NLGN1: variants seen among roughly 807,000 people sequenced by gnomAD.
NLGN1 encodes the protein neuroligin 1, also known as neuroligin-1.
Under a neutral mutation model 65.5 loss-of-function variants are expected in NLGN1, and 12 were observed. The observed-to-expected ratio is 0.18, with a 90% CI of 0.12 to 0.30. The LOEUF (loss-of-function observed/expected upper bound fraction) is 0.30. Among genes scored for constraint, NLGN1 ranks in the 10% least tolerant of loss-of-function variants. The pLI is 1.00. For missense variants in NLGN1, 750 were observed against 1,007.1 expected, an observed-to-expected ratio of 0.74 and a Z score of 3.46; for synonymous variants, 350 against 359.5, an observed-to-expected ratio of 0.97 and a Z score of 0.30.
chr3:174,251,207 A>G (rs980484225), intron 4 of NLGN1, among the ~76,000 whole-genome samples: 1 of 152,332 alleles, frequency 6.6e-6, no homozygotes, highest in East Asian at 1.9e-4. Flanking sequence ...ATGTTTATTT[A>G]TTATTGGATT....
At chr3:174,069,151 C>A (rs1009348048) in intron 4 of NLGN1, among the ~76,000 whole-genome samples, 3 of 151,974 alleles carry the variant, frequency 2.0e-5, no homozygotes, top group African/African-American at 7.3e-5. Flanking sequence ...CCAGGAGGAG[C>A]CCCATGGTTT....
At chr3:173,849,478 A>G (rs1726465191) in intron 4 of NLGN1, among the ~76,000 whole-genome samples, 1 of 109,858 alleles carries the variant, frequency 9.1e-6, no homozygotes, top group African/African-American at 3.6e-5. Flanking sequence ...TCATCTGAAT[A>G]TAAACATTAG....
At chr3:174,130,677 A>G (rs1719996832) in intron 4 of NLGN1, among the ~76,000 whole-genome samples, 1 of 152,174 alleles carries the variant, frequency 6.6e-6, no homozygotes, top group Admixed American at 6.5e-5. Flanking sequence ...AAGGTGTAGC[A>G]GGTGACGCAG....
At chr3:173,632,837 G>GTTTT (rs59210572) in intron 3 of NLGN1, among the ~76,000 whole-genome samples, 4 of 117,786 alleles carry the variant, frequency 3.4e-5, no homozygotes, top group African/African-American at 6.1e-5. Flanking sequence ...CTTGAGTAGT[G>GTTTT]TTTTTTTTTT....
At chr3:174,017,430 G>A (rs1404789638) in intron 4 of NLGN1, among the ~76,000 whole-genome samples, 1 of 152,114 alleles carries the variant, frequency 6.6e-6, no homozygotes, top group Non-Finnish European at 1.5e-5. Flanking sequence ...TGAATCCAGA[G>A]CCATTCATAT....
In NLGN1 at chr3:174,045,147, C is replaced by A. The variant is rs142679133; in HGVS notation, c.647-230168C>A. On this transcript the variant is annotated intron_variant, in intron 4 of 6. Coordinates refer to ENST00000457714, the Ensembl canonical transcript of NLGN1. ...TTTAAGTATCCTTACAGCAATGCCC[C>A]ACTACCCAGTAACAATTGACTGTGT... is the stretch of plus-strand genomic sequence containing the variant. 2.1e-4 allele frequency among the ~76,000 whole-genome samples: 32 copies of A among 152,246 alleles called. No individual in the cohort carries two copies. The East Asian group carries it at 5.8e-3, about 28-fold the overall frequency.
intron 3 of NLGN1, among the ~76,000 whole-genome samples, chr3:173,709,339 G>C (rs754968683): frequency 4.6e-5 from 7 of 152,164 alleles, no homozygotes; most frequent in Non-Finnish European, 7.4e-5. Context: ...TACCCATTAT[G>C]TGCTCAGTCC....
At chr3:173,953,725 A>G (rs942349000) in intron 4 of NLGN1, among the ~76,000 whole-genome samples, 7 of 151,776 alleles carry the variant, frequency 4.6e-5, no homozygotes, top group Non-Finnish European at 8.8e-5. Context: ...CTAATTTTTT[A>G]TAGATAAAAG....
intron 4 of NLGN1, among the ~76,000 whole-genome samples, chr3:174,004,842 T>C (rs1334025101): frequency 1.3e-5 from 2 of 152,128 alleles, no homozygotes; most frequent in Non-Finnish European, 2.9e-5. Flanking sequence ...GTCATAACAA[T>C]GTCTTAAATT....
intron 2 of NLGN1, among the ~76,000 whole-genome samples, chr3:173,479,852 C>T (rs1726943331): frequency 6.6e-6 from 1 of 152,098 alleles, no homozygotes; most frequent in Non-Finnish European, 1.5e-5. Context: ...AGAGTAAACA[C>T]ATAACCATCT....
At chr3:173,539,583 T>C (rs1577169964) in intron 2 of NLGN1, among the ~76,000 whole-genome samples, 2 of 140,098 alleles carry the variant, frequency 1.4e-5, no homozygotes, top group African/African-American at 5.4e-5. Context: ...TATGTTATGT[T>C]ATATATGTTA....
intron 4 of NLGN1, among the ~76,000 whole-genome samples, chr3:173,861,556 G>GTGTA (rs1553874113): frequency 8.9e-6 from 1 of 112,854 alleles, no homozygotes; most frequent in African/African-American, 3.2e-5. Context: ...GTGTGTGTGT[G>GTGTA]TATATACACA....
chr3:174,035,967 A>G (rs1009497501), intron 4 of NLGN1, among the ~76,000 whole-genome samples: 1 of 152,128 alleles, frequency 6.6e-6, no homozygotes, highest in African/African-American at 2.4e-5. Flanking sequence ...TACAAAATAG[A>G]CAATATATTA....
At chr3:173,483,951 C>T (rs1181096073) in intron 2 of NLGN1, among the ~76,000 whole-genome samples, 1 of 152,106 alleles carries the variant, frequency 6.6e-6, no homozygotes, top group Non-Finnish European at 1.5e-5. Flanking sequence ...GTCAGCAGTA[C>T]ATGAGAGTTA....
rs12632877 is a variant in NLGN1 at position 174,173,167 on chromosome 3, C to T, written c.647-102148C>T. 5.7e-3 allele frequency among the ~76,000 whole-genome samples: 867 copies of T among 151,924 alleles called. 20 individuals carry two copies. The highest frequency in any genetic ancestry group is 0.057 in the East Asian group (293 of 5,162). ...TGAATTTTGTTTGTTGATTTTGTAT[C>T]CTGCAACTTTACTGAATGTGTTTAT... On this transcript the variant is annotated intron_variant, in intron 4 of 6. Transcript: ENST00000457714.
At chr3:174,267,736 GAA>G (rs1275792115) in intron 4 of NLGN1, among the ~76,000 whole-genome samples, 2 of 152,108 alleles carry the variant, frequency 1.3e-5, no homozygotes, top group Non-Finnish European at 1.5e-5. Flanking sequence ...TGCCATCTAA[GAA>G]AGACACATAG....
At chr3:173,968,470 A>G (rs996381427) in intron 4 of NLGN1, among the ~76,000 whole-genome samples, 2 of 152,068 alleles carry the variant, frequency 1.3e-5, no homozygotes, top group Non-Finnish European at 2.9e-5. Context: ...TAGAATATTT[A>G]GCAGTTCTAA....
chr3:173,822,409 T>C (rs564414902), intron 4 of NLGN1, among the ~76,000 whole-genome samples: 1 of 152,250 alleles, frequency 6.6e-6, no homozygotes, highest in African/African-American at 2.4e-5. Flanking sequence ...AATGTTCTAA[T>C]TGAATATTGT....
Position 174,279,976 on chromosome 3 carries a change from C to T in NLGN1, c.1649+326C>T, listed in dbSNP as rs1751273895. The stretch of plus-strand genomic sequence containing the variant: ...ATAGTGCTTTGTCATTCACAACACT[C>T]TTTAATCCTTCCAACTACCTTTCTG... On this transcript the variant is annotated intron_variant, in intron 6 of 6. Transcript: ENST00000457714. The surrounding 1 kb of genome is among the most constrained non-coding windows in gnomAD (Gnocchi z 4.7). Among the ~76,000 whole-genome samples, 1 of 151,954 alleles carries T rather than the reference C, an allele frequency of 6.6e-6. No homozygotes were observed. Among genetic ancestry groups the T allele is most frequent in the African/African-American group, 2.4e-5 (1 of 41,426 alleles).
Sources: gnomAD v4.1 joint callset for allele counts (sites outside exome capture counted in the v4.1 genomes callset) on GRCh38, gnomAD v4.1.1 for gene constraint, Gnocchi (gnomAD v3.1) non-coding constraint, MANE v1.5 for transcripts, NCBI Gene and HGNC (gene_info 2026-07-23, HGNC 2026-07-21) for gene names.